Variants in SHISA9 observed in about 807,000 individuals in gnomAD.
The protein encoded by SHISA9 is protein shisa-9.
In SHISA9, 13 loss-of-function variants were observed where a neutral mutation model predicts 38.0. The ratio of observed to expected loss-of-function variants is 0.34; its 90% CI spans 0.22 to 0.54. The LOEUF is 0.54. SHISA9 is among the 20% of genes least tolerant of loss of function. The pLI is 0.91. For synonymous variants in SHISA9, 275 were observed against 242.0 expected, an observed-to-expected ratio of 1.14 and a Z score of -1.27; for missense variants, 538 against 575.8, an observed-to-expected ratio of 0.93 and a Z score of 0.67.
intron 2 of SHISA9, among the ~76,000 whole-genome samples, chr16:13,032,329 C>G (rs917492283): frequency 2.6e-5 from 4 of 152,118 alleles, no homozygotes; most frequent in Non-Finnish European, 4.4e-5. Context: ...CCAGCATCAT[C>G]CATGTCCCTG....
chr16:12,966,837 C>T (rs954492240), intron 2 of SHISA9, among the ~76,000 whole-genome samples: 2 of 152,212 alleles, frequency 1.3e-5, no homozygotes, highest in Non-Finnish European at 2.9e-5. Context: ...GGGAAAGACT[C>T]AGATCTGTCC....
chr16:13,518,847 G>A, the SHISA9 span, among the ~76,000 whole-genome samples: 654 of 152,324 alleles, frequency 4.3e-3, 4 homozygotes, highest in African/African-American at 0.015. Context: ...AGCCTGTGGC[G>A]AGGGCCTTCT....
chr16:13,349,641 A>G, the SHISA9 span, among the ~76,000 whole-genome samples: 30 of 152,330 alleles, frequency 2.0e-4, no homozygotes, highest in Admixed American at 1.3e-3. Flanking sequence ...ACATTTTACC[A>G]TTACTGAAAG....
chr16:13,441,577 T>C, the SHISA9 span, among the ~76,000 whole-genome samples: 3 of 152,116 alleles, frequency 2.0e-5, no homozygotes, highest in Non-Finnish European at 4.4e-5. Flanking sequence ...GGTTGCTAGG[T>C]GTAGGTTGCT....
At chr16:13,036,816 GGTAAA>G (rs2073071827) in intron 2 of SHISA9, among the ~76,000 whole-genome samples, 1 of 150,986 alleles carries the variant, frequency 6.6e-6, no homozygotes, top group Non-Finnish European at 1.5e-5. Context: ...TACTAAATGA[GGTAAA>G]GTAGTTAGCA....
chr16:13,204,615 C>G (rs2051045310), intron 3 of SHISA9, among the ~76,000 whole-genome samples: 1 of 152,230 alleles, frequency 6.6e-6, no homozygotes, highest in South Asian at 2.1e-4. Context: ...TCCCAGGCAA[C>G]TTCTGCTCTT....
At chr16:13,091,602 G>A (rs562479002) in intron 2 of SHISA9, among the ~76,000 whole-genome samples, 3 of 152,256 alleles carry the variant, frequency 2.0e-5, no homozygotes, top group African/African-American at 7.2e-5. Flanking sequence ...AGCTACTGAA[G>A]CTTGTGCATG....
chr16:13,122,879 C>G (rs886498113), intron 2 of SHISA9, among the ~76,000 whole-genome samples: 3 of 151,994 alleles, frequency 2.0e-5, no homozygotes, highest in Non-Finnish European at 4.4e-5. Flanking sequence ...AAACCTCATC[C>G]CAACTAAAAA....
chr16:12,992,905 G>A lies in SHISA9; in HGVS notation c.691+76090G>A, dbSNP rs1487254504. 4.6e-5 allele frequency among the ~76,000 whole-genome samples: 7 copies of A among 152,308 alleles called. No individual in the cohort carries two copies. In the South Asian group the frequency reaches 6.2e-4, roughly 14 times the overall value. On this transcript the variant is annotated intron_variant, in intron 2 of 4. Transcript: ENST00000558583. ...TGGATTCTTCCCCACAGTGCTATGA[G>A]GTAGATACTAGTATTATCACCCCAT...
chr16:13,075,533 G>A (rs1349690871), intron 2 of SHISA9, among the ~76,000 whole-genome samples: 1 of 152,186 alleles, frequency 6.6e-6, no homozygotes. Context: ...GTCAGCTAGG[G>A]TCGTGGGCTC....
chr16:13,429,319 G>A, the SHISA9 span, among the ~76,000 whole-genome samples: 2 of 152,170 alleles, frequency 1.3e-5, no homozygotes, highest in Admixed American at 6.5e-5. Context: ...GGCTAGAAGT[G>A]CAAGCCAACA....
intron 2 of SHISA9, among the ~76,000 whole-genome samples, chr16:12,954,851 T>A (rs1472818948): frequency 1.3e-5 from 2 of 152,152 alleles, no homozygotes; most frequent in Non-Finnish European, 2.9e-5. Flanking sequence ...TATGCTATTA[T>A]CACTCATCTT....
chr16:13,133,725 A>AT (rs1239692991), intron 2 of SHISA9, among the ~76,000 whole-genome samples: 8 of 152,184 alleles, frequency 5.3e-5, no homozygotes, highest in Non-Finnish European at 1.2e-4. Context: ...ATTGAAAGTC[A>AT]TGGAAGTAAT....
the SHISA9 span, among the ~76,000 whole-genome samples, chr16:13,456,841 T>C: frequency 8.5e-5 from 13 of 152,342 alleles, no homozygotes; most frequent in Admixed American, 6.5e-4. Context: ...CTGGGGATAC[T>C]CCATGCTTAT....
the SHISA9 span, among the ~76,000 whole-genome samples, chr16:13,505,390 A>G: frequency 3.9e-5 from 6 of 152,180 alleles, no homozygotes; most frequent in African/African-American, 1.4e-4. Context: ...TAATGGAGAA[A>G]GAAAGCTGGT....
chr16:13,234,744 G>C (rs1227305102), intron 4 of SHISA9, among the ~76,000 whole-genome samples: 1 of 152,190 alleles, frequency 6.6e-6, no homozygotes, highest in East Asian at 1.9e-4. Context: ...ATGGCAGAAT[G>C]GTAGGTGGGA....
rs141359997 is a variant in SHISA9 at position 12,979,596 on chromosome 16, C to T, written c.691+62781C>T. ...GTATTGCTTCTCGTATAGTCTTGAACGTGTATATTTTTATGTTGCTTGCTT... is the reference window on the plus strand; with the variant it reads ...GTATTGCTTCTCGTATAGTCTTGAATGTGTATATTTTTATGTTGCTTGCTT... On this transcript the variant is annotated intron_variant, in intron 2 of 4. Coordinates refer to ENST00000558583, the MANE Select transcript of SHISA9 (RefSeq NM_001145204.3). 1.4e-3 allele frequency among the ~76,000 whole-genome samples: 206 copies of T among 152,118 alleles called. No homozygotes were observed. In the East Asian group the frequency reaches 0.026, roughly 20 times the overall value.
chr16:13,166,033 A>G (rs984004637), intron 2 of SHISA9, among the ~76,000 whole-genome samples: 1 of 152,142 alleles, frequency 6.6e-6, no homozygotes, highest in Non-Finnish European at 1.5e-5. Flanking sequence ...CCTCATAGTA[A>G]TAGTTATTAT....
chr16:12,948,671 G>C (rs1161678608), intron 2 of SHISA9, among the ~76,000 whole-genome samples: 1 of 152,122 alleles, frequency 6.6e-6, no homozygotes. Flanking sequence ...TCTCATACAG[G>C]CATTAATCCT....
Sources: gnomAD v4.1 joint callset for allele counts (sites outside exome capture counted in the v4.1 genomes callset) on GRCh38, gnomAD v4.1.1 for gene constraint, MANE v1.5 for transcripts, NCBI Gene and HGNC (gene_info 2026-07-23, HGNC 2026-07-21) for gene names.